MAP7D2: variants seen among roughly 807,000 people sequenced by gnomAD.
MAP7D2 encodes MAP7 domain containing 2, also known as MAP7 domain-containing protein 2.
Under a neutral mutation model 63.5 loss-of-function variants are expected in MAP7D2, and 33 were observed. That is an observed-to-expected ratio of 0.52 (90% CI 0.39 to 0.70). The LOEUF is 0.70. Ranked by LOEUF, MAP7D2 falls within the 30% of genes least tolerant of loss-of-function variation. The pLI, the probability that MAP7D2 is intolerant of heterozygous loss-of-function variation, is 0.00. For missense variants in MAP7D2, 626 were observed against 604.0 expected, an observed-to-expected ratio of 1.04 and a Z score of -0.38; for synonymous variants, 224 against 223.7, an observed-to-expected ratio of 1.00 and a Z score of -0.01.
chrX:20,011,733 T>C (rs1230137568), intron 15 of MAP7D2, among the ~76,000 whole-genome samples: 1 of 112,491 alleles, frequency 8.9e-6, no homozygotes, highest in African/African-American at 3.2e-5. Context: ...AAAGTGAGGC[T>C]TCCAATCCAC....
chrX:20,115,087 A>G (rs1269972701), intron 1 of MAP7D2, among the ~76,000 whole-genome samples: 2 of 111,118 alleles, frequency 1.8e-5, no homozygotes, highest in South Asian at 3.7e-4. Flanking sequence ...ATATTTTTCT[A>G]TATTTCCAAT....
At chrX:20,094,332 C>T (rs1017700744) in intron 1 of MAP7D2, among the ~76,000 whole-genome samples, 1 of 102,831 alleles carries the variant, frequency 9.7e-6, no homozygotes, top group African/African-American at 3.5e-5. Flanking sequence ...TTCAACATCC[C>T]GTTCCATAAA....
rs1371751480 is a variant in MAP7D2 at position 20,073,620 on chromosome X, C to T, written c.131-8815G>A. Among the ~76,000 whole-genome samples the T allele has an allele frequency of 6.6e-5, 7 of 106,073 alleles. 1 individual carries two copies. In the Admixed American group the frequency reaches 7.0e-4, roughly 11 times the overall value. The allele number at this position is 106,073 out of a possible 115,157, so 92.1% of individuals were successfully genotyped here. On this transcript the variant is annotated intron_variant, in intron 1 of 16. Coordinates refer to ENST00000379643, the MANE Select transcript of MAP7D2 (RefSeq NM_001168465.2). ...TCTTGGCTTACTGCAAGCTCCACCT[C>T]CCAGGTTCACACCATTCTCCTGCCT...
At chrX:20,098,954 A>C (rs1350512463) in intron 1 of MAP7D2, among the ~76,000 whole-genome samples, 1 of 112,606 alleles carries the variant, frequency 8.9e-6, no homozygotes, top group African/African-American at 3.2e-5. Context: ...TGCCATCCAC[A>C]CTACTCAAGG....
At chrX:20,039,906 G>C (rs1380054187) in intron 8 of MAP7D2, among the ~76,000 whole-genome samples, 1 of 108,114 alleles carries the variant, frequency 9.2e-6, no homozygotes, top group Non-Finnish European at 1.9e-5. Flanking sequence ...GGCTGAGGCA[G>C]GGGAATCGCT....
chrX:20,113,812 T>G lies in MAP7D2; in HGVS notation c.130+2938A>C, dbSNP rs775987884. On this transcript the variant is annotated intron_variant, in intron 1 of 16. Transcript: ENST00000379643. ...ACAGGTTAGCCATCCCCCTCAAGCA[T>G]TTATCCTTTGTGTTACAAACAATCC... is the stretch of plus-strand genomic sequence containing the variant. Among the ~76,000 whole-genome samples, 12 of 111,945 alleles carry G rather than the reference T, an allele frequency of 1.1e-4. No homozygotes were observed. In the South Asian group the frequency reaches 4.1e-3, roughly 38 times the overall value.
chrX:20,069,415 C>G (rs2065441832), intron 1 of MAP7D2, among the ~76,000 whole-genome samples: 2 of 110,933 alleles, frequency 1.8e-5, no homozygotes, highest in South Asian at 7.7e-4. Context: ...CCTATGTTGC[C>G]CAGGCTGATG....
chrX:20,029,056 T>C (rs2073965841), intron 8 of MAP7D2, among the ~76,000 whole-genome samples: 1 of 112,212 alleles, frequency 8.9e-6, no homozygotes, highest in Non-Finnish European at 1.9e-5. Flanking sequence ...TGCACAACCC[T>C]GCCTGTTCTT....
At chrX:20,091,335 G>T (rs2066064993) in intron 1 of MAP7D2, among the ~76,000 whole-genome samples, 1 of 105,798 alleles carries the variant, frequency 9.5e-6, no homozygotes, top group Admixed American at 1.0e-4. Flanking sequence ...TTGTAGGAGT[G>T]AGCCACCGTG....
At chrX:20,091,052 CTTT>C (rs1280083347) in intron 1 of MAP7D2, among the ~76,000 whole-genome samples, 2 of 91,961 alleles carry the variant, frequency 2.2e-5, no homozygotes, top group Non-Finnish European at 2.2e-5. Flanking sequence ...GTGGAACACT[CTTT>C]TTTTTTTTTT....
intron 3 of MAP7D2, among the ~76,000 whole-genome samples, chrX:20,059,589 T>TGGAA (rs778547441): frequency 0.09 from 6,661 of 74,061 alleles, 680 homozygotes; most frequent in African/African-American, 0.27. Context: ...AGTGGAAGGG[T>TGGAA]GGAAGGAAGG....
intron 1 of MAP7D2, among the ~76,000 whole-genome samples, chrX:20,084,996 G>A (rs775163770): frequency 1.8e-5 from 2 of 111,624 alleles, no homozygotes; most frequent in South Asian, 3.8e-4. Flanking sequence ...ACCTGCAAGC[G>A]AGGCAAACAC....
At chrX:20,109,269 C>G (rs1355343948) in intron 1 of MAP7D2, among the ~76,000 whole-genome samples, 1 of 109,881 alleles carries the variant, frequency 9.1e-6, no homozygotes, top group African/African-American at 3.3e-5. Flanking sequence ...CGCCTATAAT[C>G]CCAGCACTTT....
chrX:20,085,279 A>C (rs2065883668), intron 1 of MAP7D2, among the ~76,000 whole-genome samples: 1 of 112,367 alleles, frequency 8.9e-6, no homozygotes, highest in Non-Finnish European at 1.9e-5. Flanking sequence ...GGATGGATGG[A>C]AACAGCTTTG....
chrX:20,092,008 T>C (rs993540645), intron 1 of MAP7D2, among the ~76,000 whole-genome samples: 1 of 112,084 alleles, frequency 8.9e-6, no homozygotes. Flanking sequence ...CTTTCCTGTG[T>C]TGAGGGTATC....
chrX:20,065,119 C>T (rs758233019), intron 1 of MAP7D2, among the ~76,000 whole-genome samples: 3 of 111,906 alleles, frequency 2.7e-5, no homozygotes, highest in East Asian at 2.8e-4. Context: ...AAGTGACAGA[C>T]GGGCCTGGCA....
rs185566058 is a variant in MAP7D2 at position 20,044,275 on chromosome X, C to G, written c.879+89G>C. 113 of 951,428 alleles carry G rather than the reference C, an allele frequency of 1.2e-4. No individual in the cohort carries two copies. The African/African-American group carries it at 2.1e-3, about 18-fold the overall frequency. 78.4% of individuals were successfully genotyped at this position (951,428 alleles called of 1,213,427 possible). The stretch of plus-strand genomic sequence containing the variant: ...AGCAGTCCCAGGAGATTGATGGAAA[C>G]AGACAGCCCAGGTCAAGCACAGAAG... On this transcript the variant is annotated intron_variant, in intron 7 of 16. Coordinates refer to ENST00000379643, the MANE Select transcript of MAP7D2 (RefSeq NM_001168465.2).
intron 8 of MAP7D2, among the ~76,000 whole-genome samples, chrX:20,032,615 A>G (rs1482924224): frequency 1.8e-5 from 2 of 111,944 alleles, no homozygotes; most frequent in African/African-American, 6.5e-5. Flanking sequence ...GATAAAGTGA[A>G]ATTAAACTAG....
chrX:20,025,184 A>G (rs1231179094), intron 9 of MAP7D2, 101 bp from the exon 10 acceptor site: 27 of 1,002,844 alleles, frequency 2.7e-5, no homozygotes, highest in Non-Finnish European at 3.6e-5. Flanking sequence ...AAAAAATCCA[A>G]CCCAGTGTGG....
Sources: gnomAD v4.1 joint callset for allele counts (sites outside exome capture counted in the v4.1 genomes callset) on GRCh38, gnomAD v4.1.1 for gene constraint, MANE v1.5 for transcripts, NCBI Gene and HGNC (gene_info 2026-07-23, HGNC 2026-07-21) for gene names.